DVL2: variants seen among roughly 807,000 people sequenced by gnomAD.
DVL2 encodes segment polarity protein dishevelled homolog DVL-2.
Under a neutral mutation model 69.8 loss-of-function variants are expected in DVL2, and 38 were observed. That is an observed-to-expected ratio of 0.54 (90% CI 0.42 to 0.71). The LOEUF is 0.71. DVL2 is among the 30% of genes least tolerant of loss of function. DVL2 has a pLI of 0.00. For synonymous variants in DVL2, 428 were observed against 392.4 expected, an observed-to-expected ratio of 1.09 and a Z score of -1.07; for missense variants, 931 against 1,008.1, an observed-to-expected ratio of 0.92 and a Z score of 1.04.
In DVL2 at chr17:7,232,807, G is replaced by T. The variant is rs80035901; in HGVS notation, c.194+1262C>A. On this transcript the variant is annotated intron_variant, in intron 1 of 14. Coordinates refer to ENST00000005340, the MANE Select transcript of DVL2 (RefSeq NM_004422.3). The stretch of plus-strand genomic sequence containing the variant: ...GCCTGCCTTCAAAAAAGCAGAGGTT[G>T]GGCCGGGCGCGGTGGCTCACGCCTG... 3.7e-4 allele frequency among the ~76,000 whole-genome samples: 56 copies of T among 152,246 alleles called. No individual in the cohort carries two copies. In the East Asian group the frequency reaches 9.6e-3, roughly 26 times the overall value.
chr17:7,233,087 C>CAAAA lies in DVL2; in HGVS notation c.194+978_194+981dup, dbSNP rs59984818. Among the ~76,000 whole-genome samples the CAAAA allele has an allele frequency of 1.4e-3, 49 of 36,288 alleles. 6 individuals carry two copies. Among genetic ancestry groups the CAAAA allele is most frequent in the South Asian group, 5.7e-3 (5 of 882 alleles). 23.8% of individuals were successfully genotyped at this position (36,288 alleles called of 152,430 possible). On this transcript the variant is annotated intron_variant, in intron 1 of 14. Transcript: ENST00000005340. ...CCTGGGCGACAGAGCGAGACTGTCT[C>CAAAA]AAAAAAAAAAAAAAAAAAAAGCAGA...
At chr17:7,228,940 G>A (rs1216598985) in intron 9 of DVL2, 29 bp downstream of exon 9, 1 of 1,607,636 alleles carries the variant, frequency 6.2e-7, no homozygotes, top group South Asian at 1.1e-5. Context: ...AAAGAGGACT[G>A]AGGACCGGCA....
rs566656706 is a variant in DVL2 at position 7,226,712 on chromosome 17, G to A, written c.1544-73C>T. On this transcript the variant is annotated intron_variant, in intron 13 of 14. Coordinates refer to ENST00000005340, the MANE Select transcript of DVL2 (RefSeq NM_004422.3). ...GGGCCCCAAGACACCGAATGGAGAG[G>A]AACTGGGAACAGTTCTCCCAGACCC... 20 of 1,197,584 alleles carry A rather than the reference G, an allele frequency of 1.7e-5. No individual in the cohort carries two copies. The East Asian group carries it at 4.5e-4, about 27-fold the overall frequency. The allele number at this position is 1,197,584 out of a possible 1,614,324, so 74.2% of individuals were successfully genotyped here.
Position 7,234,331 on chromosome 17 carries a change from C to A in DVL2, c.-69G>T. On this transcript the variant is annotated 5_prime_UTR_variant, in exon 1 of 15. Transcript: ENST00000005340. ...GCTAATGGCCCCTGCCGCGCCTGCG[C>A]ACACCCGCAAACCGACGCGCGAGCG... 1.3e-6 allele frequency: 2 copies of A among 1,538,752 alleles called. No individual in the cohort carries two copies. Among genetic ancestry groups the A allele is most frequent in the Non-Finnish European group, 1.8e-6 (2 of 1,137,464 alleles).
At chr17:7,226,726 T>TC in intron 13 of DVL2, 87 bp from the exon 14 acceptor site, 4 of 1,080,360 alleles carry the variant, frequency 3.7e-6, no homozygotes, top group Non-Finnish European at 3.8e-6. Context: ...TGGGAACAGT[T>TC]CTCCCAGACC....
At chr17:7,233,170 G>A (rs1007230077) in intron 1 of DVL2, among the ~76,000 whole-genome samples, 8 of 150,562 alleles carry the variant, frequency 5.3e-5, no homozygotes, top group African/African-American at 1.5e-4. Context: ...GGCTTTCTCT[G>A]CATTATTTAC....
rs1384492319 is a variant in DVL2 at position 7,227,508 on chromosome 17, T to C, written c.1259A>G (p.His420Arg). 1 of 1,614,150 alleles carries C rather than the reference T, an allele frequency of 6.2e-7. No homozygotes were observed. The highest frequency in any genetic ancestry group is 1.1e-5 in the South Asian group (1 of 91,088). Reference protein sequence around the residue: ...DGCEGRGLSVHTDMASVTKAM... With the variant: ...DGCEGRGLSVRTDMASVTKAM... ...CTTGGTCACCGATGCCATGTCCGTA[T>C]GGACGGAGAGACCCCGGCCTTCACA... is the stretch of plus-strand genomic sequence containing the variant. The change falls in exon 12 of 15, where the codon CAT becomes CGT. Residue 420 changes from histidine (H) to arginine (R), a missense_variant. By Grantham distance (29) the His-to-Arg change is conservative (BLOSUM62 0). This residue lies in a region of DVL2 where 555 missense variants were observed against 588.8 expected (regional missense o/e 0.94). Transcript: ENST00000005340.
chr17:7,233,087 C>CAATAAAAAA (rs2071568574), intron 1 of DVL2, among the ~76,000 whole-genome samples: 1 of 36,284 alleles, frequency 2.8e-5, no homozygotes, highest in African/African-American at 8.2e-5. Context: ...GAGACTGTCT[C>CAATAAAAAA]AAAAAAAAAA....
chr17:7,229,994 C>A lies in DVL2; in HGVS notation c.521-51G>T, dbSNP rs1292014174. On this transcript the variant is annotated intron_variant, in intron 4 of 14. Coordinates refer to ENST00000005340, the MANE Select transcript of DVL2 (RefSeq NM_004422.3). This position sits in a 1 kb window ranked among gnomAD's most constrained non-coding sequence, Gnocchi z 4.4. Reference sequence around the variant, plus strand: ...ACCAAGCTTCCCCCTGCTCACCCCACCAAGGCTGGGGTCTGGCCCAGCCCT... The same window carrying A: ...ACCAAGCTTCCCCCTGCTCACCCCAACAAGGCTGGGGTCTGGCCCAGCCCT... The A allele has an allele frequency of 1.2e-6, 2 of 1,610,762 alleles. No individual in the cohort carries two copies. Among genetic ancestry groups the A allele is most frequent in the Non-Finnish European group, 1.7e-6 (2 of 1,179,786 alleles).
chr17:7,226,913 C>A (rs1385098169), intron 13 of DVL2, 177 bp downstream of exon 13: 1 of 692,210 alleles, frequency 1.4e-6, no homozygotes, highest in Non-Finnish European at 2.4e-6. Context: ...GCTTGTCCAG[C>A]AGCACATGGG....
Position 7,229,293 on chromosome 17 carries a change from T to A in DVL2, c.818-19A>T. The A allele has an allele frequency of 6.2e-7, 1 of 1,613,396 alleles. No individual in the cohort carries two copies. Among genetic ancestry groups the A allele is most frequent in the Non-Finnish European group, 8.5e-7 (1 of 1,179,734 alleles). Reference sequence around the variant, plus strand: ...TACTTCTCTGTGGAGAGAGGCCATGTGAAAAGAGGAGCCCCTGCCACAGGA... The same window carrying A: ...TACTTCTCTGTGGAGAGAGGCCATGAGAAAAGAGGAGCCCCTGCCACAGGA... On this transcript the variant is annotated intron_variant, in intron 7 of 14. Transcript: ENST00000005340. The surrounding 1 kb of genome is among the most constrained non-coding windows in gnomAD (Gnocchi z 4.4).
Position 7,225,568 on chromosome 17 carries a change from T to G in DVL2, c.*297A>C. On this transcript the variant is annotated 3_prime_UTR_variant, in exon 15 of 15. Coordinates refer to ENST00000005340, the MANE Select transcript of DVL2 (RefSeq NM_004422.3). The stretch of plus-strand genomic sequence containing the variant: ...TTAGAAGGGGCCCAATGGATGGGAA[T>G]TCTTCATATAAAAGAGGAAATGCCT... The G allele has an allele frequency of 2.2e-6, 1 of 456,224 alleles. No individual in the cohort carries two copies. Among genetic ancestry groups the G allele is most frequent in the Non-Finnish European group, 3.9e-6 (1 of 254,124 alleles). The allele number at this position is 456,224 out of a possible 1,614,324, so 28.3% of individuals were successfully genotyped here. A position where few individuals can be genotyped will look rare whatever the true frequency, so the allele number is the denominator to read the frequency against.
At position 7,225,472 on chromosome 17, in the gene DVL2, A is replaced by C; in HGVS notation, c.*393T>G. On this transcript the variant is annotated 3_prime_UTR_variant, in exon 15 of 15. Coordinates refer to ENST00000005340, the MANE Select transcript of DVL2 (RefSeq NM_004422.3). ...TGTCTAGGATGCCTAACCCCGGGGT[A>C]CCGCTGACCACCCCCAACCCTGCAA... 2.4e-6 allele frequency: 1 copy of C among 420,002 alleles called. No individual in the cohort carries two copies. Among genetic ancestry groups the C allele is most frequent in the East Asian group, 5.3e-5 (1 of 19,032 alleles). 26.0% of individuals were successfully genotyped at this position (420,002 alleles called of 1,614,324 possible).
At chr17:7,228,923 GA>G (rs557492074) in intron 9 of DVL2, 45 bp downstream of exon 9, 42 of 1,551,238 alleles carry the variant, frequency 2.7e-5, no homozygotes, top group Middle Eastern at 1.8e-4. Flanking sequence ...ACATGAAAGA[GA>G]AAAAAAAAGA....
intron 1 of DVL2, among the ~76,000 whole-genome samples, chr17:7,233,683 C>G (rs1457888833): frequency 6.6e-6 from 1 of 152,096 alleles, no homozygotes; most frequent in East Asian, 1.9e-4. Context: ...CTCCTGACCT[C>G]GTGATCCGCC....
Position 7,234,182 on chromosome 17 carries a change from G to A in DVL2, c.81C>T (p.Tyr27=). ...CGGCGGGGACAGGGATCTTCACCAGGTAGGGAGTCTCTTCCTCATCCAGGT... is the reference window on the plus strand; with the variant it reads ...CGGCGGGGACAGGGATCTTCACCAGATAGGGAGTCTCTTCCTCATCCAGGT... ...IYHLDEEETP[Y]LVKIPVPAER... The change falls in exon 1 of 15, where the codon TAC becomes TAT. Residue 27 remains tyrosine, a synonymous_variant. Coordinates refer to ENST00000005340, the MANE Select transcript of DVL2 (RefSeq NM_004422.3). The A allele has an allele frequency of 3.1e-6, 5 of 1,614,152 alleles. No homozygotes were observed. In the Admixed American group the frequency reaches 5.0e-5, roughly 16 times the overall value.
Position 7,227,538 on chromosome 17 carries a change from G to A in DVL2, c.1232-3C>T. The A allele has an allele frequency of 6.2e-7, 1 of 1,613,840 alleles. No individual in the cohort carries two copies. The highest frequency in any genetic ancestry group is 8.5e-7 in the Non-Finnish European group (1 of 1,179,728). On this transcript the variant is annotated splice_polypyrimidine_tract_variant and splice_region_variant and intron_variant, in intron 11 of 14. Coordinates refer to ENST00000005340, the MANE Select transcript of DVL2 (RefSeq NM_004422.3). ...GGAGAGACCCCGGCCTTCACAGCCTGGCAGAGGAGACAACGGGTAACCAGA... is the reference window on the plus strand; with the variant it reads ...GGAGAGACCCCGGCCTTCACAGCCTAGCAGAGGAGACAACGGGTAACCAGA...
In DVL2 at chr17:7,229,430, G is replaced by A. The variant is rs144099828; in HGVS notation, c.765C>T (p.Ser255=). 35 of 1,614,032 alleles carry A rather than the reference G, an allele frequency of 2.2e-5. No homozygotes were observed. In the African/African-American group the frequency reaches 2.9e-4, roughly 14 times the overall value. Reference sequence around the variant, plus strand: ...TGAGAGACATTGTGGAATCTGTGACGCTGCTGAAGGATGACGTCTGTGGTG... The same window carrying A: ...TGAGAGACATTGTGGAATCTGTGACACTGCTGAAGGATGACGTCTGTGGTG... ...PRLERTSSFS[S]VTDSTMSLNI... The change falls in exon 7 of 15, where the codon AGC becomes AGT. Residue 255 remains serine, a synonymous_variant. Transcript: ENST00000005340. This position sits in a 1 kb window ranked among gnomAD's most constrained non-coding sequence, Gnocchi z 4.4.
At chr17:7,226,723 A>C in intron 13 of DVL2, 84 bp from the exon 14 acceptor site, 1 of 1,112,698 alleles carries the variant, frequency 9.0e-7, no homozygotes. Flanking sequence ...AACTGGGAAC[A>C]GTTCTCCCAG....
Sources: allele counts gnomAD v4.1 joint callset (sites outside exome capture counted in the v4.1 genomes callset), GRCh38; gene constraint gnomAD v4.1.1; regional missense constraint gnomAD v4.1.1; non-coding constraint Gnocchi (gnomAD v3.1); transcripts MANE v1.5; gene names NCBI Gene and HGNC (gene_info 2026-07-23, HGNC 2026-07-21).